ANKS1B: variants seen among roughly 807,000 people sequenced by gnomAD.
ANKS1B encodes ankyrin repeat and sterile alpha motif domain-containing protein 1B.
Under a neutral mutation model 148.3 loss-of-function variants are expected in ANKS1B, and 36 were observed. The observed-to-expected ratio is 0.24, with a 90% CI of 0.19 to 0.32. The LOEUF (loss-of-function observed/expected upper bound fraction) is 0.32. ANKS1B is among the 10% of genes least tolerant of loss of function. The pLI, the probability that ANKS1B is intolerant of heterozygous loss-of-function variation, is 1.00. For synonymous variants in ANKS1B, 542 were observed against 560.8 expected, an observed-to-expected ratio of 0.97 and a Z score of 0.47; for missense variants, 1,157 against 1,542.6, an observed-to-expected ratio of 0.75 and a Z score of 4.19.
At chr12:99,071,562 G>A (rs976000019) in intron 16 of ANKS1B, among the ~76,000 whole-genome samples, 3 of 151,998 alleles carry the variant, frequency 2.0e-5, no homozygotes, top group East Asian at 3.9e-4. Context: ...TCTATGCTAT[G>A]TATATTTATA....
At position 99,244,718 on chromosome 12, in the gene ANKS1B, CAGA is replaced by C. The variant is rs148538680; in HGVS notation, c.2347-307_2347-305del. Among the ~76,000 whole-genome samples, 50 of 152,290 alleles carry C rather than the reference CAGA, an allele frequency of 3.3e-4. 1 individual carries two copies. Among genetic ancestry groups the C allele is most frequent in the African/African-American group, 1.2e-3 (49 of 41,556 alleles). ...TTAGGAACTGTGTATTCTTCAAACTCAGAAGGACTGTAGATAAATTCATGTGAC... is the reference window on the plus strand; with the variant it reads ...TTAGGAACTGTGTATTCTTCAAACTCAGGACTGTAGATAAATTCATGTGAC... On this transcript the variant is annotated intron_variant, in intron 13 of 26. Coordinates refer to ENST00000683438, the MANE Select transcript of ANKS1B (RefSeq NM_001352186.2).
At chr12:99,049,369 T>C (rs2099964481) in intron 17 of ANKS1B, among the ~76,000 whole-genome samples, 1 of 152,058 alleles carries the variant, frequency 6.6e-6, no homozygotes, top group Non-Finnish European at 1.5e-5. Context: ...GAAATAAAGT[T>C]ATCGCAACTT....
At chr12:99,851,979 G>C (rs1381784522) in intron 1 of ANKS1B, among the ~76,000 whole-genome samples, 2 of 152,092 alleles carry the variant, frequency 1.3e-5, no homozygotes, top group African/African-American at 4.8e-5. Context: ...TCTATTACAT[G>C]CATGCCTGTG....
At chr12:98,748,456 C>T (rs879303364) in intron 26 of ANKS1B, among the ~76,000 whole-genome samples, 16 of 152,186 alleles carry the variant, frequency 1.1e-4, no homozygotes, top group South Asian at 2.1e-4. Flanking sequence ...CTGCCTCTTC[C>T]TTTGGTGTTT....
intron 12 of ANKS1B, among the ~76,000 whole-genome samples, chr12:99,368,294 G>T (rs948196082): frequency 1.3e-5 from 2 of 151,974 alleles, no homozygotes; most frequent in Non-Finnish European, 2.9e-5. Context: ...CGACCTAGGT[G>T]ACAGGATCAA....
intron 17 of ANKS1B, among the ~76,000 whole-genome samples, chr12:99,042,975 T>C (rs1367003998): frequency 1.3e-5 from 2 of 152,256 alleles, no homozygotes; most frequent in Non-Finnish European, 1.5e-5. Flanking sequence ...GACCTTGTGT[T>C]CCCATTTGGG....
chr12:99,424,138 C>T (rs1273623852), intron 11 of ANKS1B, among the ~76,000 whole-genome samples: 3 of 152,030 alleles, frequency 2.0e-5, no homozygotes, highest in Non-Finnish European at 4.4e-5. Context: ...TGAGTTAATG[C>T]TTTTGCATTT....
At chr12:99,361,422 C>T (rs1259401092) in intron 12 of ANKS1B, among the ~76,000 whole-genome samples, 3 of 152,042 alleles carry the variant, frequency 2.0e-5, no homozygotes, top group East Asian at 1.9e-4. Context: ...TCCTTATTAT[C>T]AGGGCTTTTG....
intron 17 of ANKS1B, among the ~76,000 whole-genome samples, chr12:98,997,540 T>C (rs1247929457): frequency 6.6e-6 from 1 of 151,930 alleles, no homozygotes; most frequent in African/African-American, 2.4e-5. Context: ...TAGCTGGGAC[T>C]ACAGGTGTGC....
intron 15 of ANKS1B, among the ~76,000 whole-genome samples, chr12:99,098,466 T>G (rs1008820763): frequency 1.3e-5 from 2 of 152,130 alleles, no homozygotes; most frequent in Non-Finnish European, 2.9e-5. Context: ...AATAGCAGTG[T>G]GACTCAGGAT....
chr12:99,633,695 A>C (rs2098198627), intron 9 of ANKS1B, among the ~76,000 whole-genome samples: 1 of 152,248 alleles, frequency 6.6e-6, no homozygotes, highest in Non-Finnish European at 1.5e-5. Context: ...CAGAGTGAAC[A>C]GGCAACCTAA....
intron 8 of ANKS1B, among the ~76,000 whole-genome samples, chr12:99,665,389 T>C (rs1025607395): frequency 1.3e-5 from 2 of 152,214 alleles, no homozygotes; most frequent in South Asian, 2.1e-4. Context: ...TTTCTGCCAG[T>C]GCTACTAATG....
At chr12:99,182,858 T>C (rs1382328587) in intron 14 of ANKS1B, among the ~76,000 whole-genome samples, 2 of 152,190 alleles carry the variant, frequency 1.3e-5, no homozygotes, top group Non-Finnish European at 2.9e-5. Context: ...GCCATTTAAC[T>C]GGGGTGAGAT....
At chr12:99,249,147 G>A (rs2074249167) in intron 12 of ANKS1B, among the ~76,000 whole-genome samples, 2 of 152,116 alleles carry the variant, frequency 1.3e-5, no homozygotes, top group Admixed American at 1.3e-4. Flanking sequence ...CTGAAATAAG[G>A]AAGTTTTAGA....
At chr12:98,831,955 T>C in intron 18 of ANKS1B, 74 bp downstream of exon 18, 1 of 1,380,344 alleles carries the variant, frequency 7.2e-7, no homozygotes, top group Non-Finnish European at 1.0e-6. Flanking sequence ...TCTCACCATG[T>C]TGGCCAGGCT....
chr12:99,149,451 A>G (rs141493140), intron 15 of ANKS1B, among the ~76,000 whole-genome samples: 398 of 152,272 alleles, frequency 2.6e-3, no homozygotes, highest in African/African-American at 8.8e-3. Context: ...GAAAATGCCA[A>G]TTCATGTAGG....
chr12:99,868,548 A>G (rs575449321), intron 1 of ANKS1B, among the ~76,000 whole-genome samples: 9 of 133,602 alleles, frequency 6.7e-5, no homozygotes, highest in Admixed American at 4.5e-4. Context: ...AGAAAACCCC[A>G]AAATAATCTA....
intron 15 of ANKS1B, among the ~76,000 whole-genome samples, chr12:99,135,001 T>A (rs1157690139): frequency 6.6e-6 from 1 of 152,116 alleles, no homozygotes; most frequent in East Asian, 1.9e-4. Flanking sequence ...TGGGAAATAA[T>A]GCACAGCAGA....
chr12:99,567,064 C>T (rs957063087), intron 9 of ANKS1B, among the ~76,000 whole-genome samples: 1 of 152,148 alleles, frequency 6.6e-6, no homozygotes, highest in African/African-American at 2.4e-5. Context: ...CTCAAAGCCT[C>T]CAAAGCTGCA....
Sources: allele counts gnomAD v4.1 joint callset (sites outside exome capture counted in the v4.1 genomes callset), GRCh38; gene constraint gnomAD v4.1.1; transcripts MANE v1.5; gene names NCBI Gene and HGNC (gene_info 2026-07-23, HGNC 2026-07-21).